Variants in ARL15 observed in about 807,000 individuals in gnomAD.
ARL15 encodes ARF like GTPase 15.
Under a neutral mutation model 25.2 loss-of-function variants are expected in ARL15, and 19 were observed. The observed-to-expected ratio is 0.75, with a 90% confidence interval of 0.53 to 1.10. ARL15 has a LOEUF of 1.10. Ranked by LOEUF, ARL15 falls within the 50% of genes least tolerant of loss-of-function variation. The pLI is 0.00. For missense variants in ARL15, 220 were observed against 246.0 expected (o/e 0.89, Z 0.71); for synonymous variants, 94 against 86.8 (o/e 1.08, Z -0.46).
At position 54,303,842 on chromosome 5, in the gene ARL15, G is replaced by A. The variant is rs147048623; in HGVS notation, c.48+6590C>T. Reference sequence around the variant, plus strand: ...GTGCCCCCAAAAGTGACACTAGGGGGCTGAGTAAGGAGGTTGCCTGAAAAT... The same window carrying A: ...GTGCCCCCAAAAGTGACACTAGGGGACTGAGTAAGGAGGTTGCCTGAAAAT... On this transcript the variant is annotated intron_variant, in intron 1 of 4. Transcript: ENST00000504924. Among the ~76,000 whole-genome samples, 157 of 151,792 alleles carry A rather than the reference G, an allele frequency of 1.0e-3. 1 individual carries two copies. The East Asian group carries it at 0.02, about 20-fold the overall frequency.
At chr5:54,146,328 G>T (rs1481696716) in intron 3 of ARL15, among the ~76,000 whole-genome samples, 1 of 152,064 alleles carries the variant, frequency 6.6e-6, no homozygotes, top group Non-Finnish European at 1.5e-5. Flanking sequence ...GCCAAAGCAA[G>T]ATAGATACTA....
At chr5:53,903,581 A>G (rs905094542) in intron 4 of ARL15, among the ~76,000 whole-genome samples, 3 of 152,224 alleles carry the variant, frequency 2.0e-5, no homozygotes, top group African/African-American at 7.2e-5. Context: ...GGCAAAAGTC[A>G]GAGAACAAAC....
intron 1 of ARL15, among the ~76,000 whole-genome samples, chr5:54,240,671 A>G (rs1441155501): frequency 6.6e-6 from 1 of 152,208 alleles, no homozygotes; most frequent in African/African-American, 2.4e-5. Context: ...GAACATGTGA[A>G]AGACTGGCCT....
At chr5:54,053,501 A>G (rs1750763708) in intron 4 of ARL15, among the ~76,000 whole-genome samples, 1 of 152,144 alleles carries the variant, frequency 6.6e-6, no homozygotes, top group Non-Finnish European at 1.5e-5. Context: ...GAAAAAAAAT[A>G]AAAATAAAAA....
At chr5:54,141,319 C>A (rs1287325473) in intron 3 of ARL15, among the ~76,000 whole-genome samples, 1 of 151,936 alleles carries the variant, frequency 6.6e-6, no homozygotes, top group African/African-American at 2.4e-5. Context: ...TATACGATTA[C>A]CTAGAAACTG....
At chr5:54,038,170 A>G (rs1750229705) in intron 4 of ARL15, among the ~76,000 whole-genome samples, 1 of 152,136 alleles carries the variant, frequency 6.6e-6, no homozygotes, top group South Asian at 2.1e-4. Flanking sequence ...GCTAATTCCT[A>G]AAAAGTTTTT....
At chr5:54,299,475 G>T (rs151173139) in intron 1 of ARL15, among the ~76,000 whole-genome samples, 218 of 151,076 alleles carry the variant, frequency 1.4e-3, no homozygotes, top group Non-Finnish European at 2.1e-4. Flanking sequence ...TCTCTAAAAC[G>T]ATAATAGTAA....
intron 1 of ARL15, among the ~76,000 whole-genome samples, chr5:54,182,303 T>C (rs1349031191): frequency 1.1e-5 from 1 of 90,128 alleles, no homozygotes; most frequent in African/African-American, 4.6e-5. Context: ...AAATCTTTAA[T>C]CCATCTTGAA....
chr5:54,200,514 A>T, intron 1 of ARL15, among the ~76,000 whole-genome samples: 1 of 141,130 alleles, frequency 7.1e-6, no homozygotes, highest in African/African-American at 2.8e-5. Flanking sequence ...AATAAGAAAC[A>T]GGCTATAGAA....
chr5:54,258,465 C>T (rs1757422533), intron 1 of ARL15, among the ~76,000 whole-genome samples: 1 of 152,150 alleles, frequency 6.6e-6, no homozygotes. Context: ...AGAGAAAAAT[C>T]AAGGTGCTGG....
intron 1 of ARL15, among the ~76,000 whole-genome samples, chr5:54,200,718 A>C (rs1755698757): frequency 6.6e-6 from 1 of 152,182 alleles, no homozygotes; most frequent in Non-Finnish European, 1.5e-5. Context: ...AATACAGGGA[A>C]TATCTTAACT....
intron 1 of ARL15, among the ~76,000 whole-genome samples, chr5:54,257,889 T>C (rs934080034): frequency 3.3e-5 from 5 of 152,158 alleles, no homozygotes; most frequent in African/African-American, 7.2e-5. Flanking sequence ...CACAGGAGTA[T>C]TGACTTATTA....
chr5:54,151,062 G>A (rs896696459), intron 3 of ARL15, among the ~76,000 whole-genome samples: 1 of 152,062 alleles, frequency 6.6e-6, no homozygotes, highest in Non-Finnish European at 1.5e-5. Flanking sequence ...CATCATGTCT[G>A]GTGTTATCTT....
chr5:53,903,716 C>T (rs549950529), intron 4 of ARL15, among the ~76,000 whole-genome samples: 17 of 152,242 alleles, frequency 1.1e-4, no homozygotes, highest in East Asian at 3.9e-4. Flanking sequence ...CATCACAGGT[C>T]AACAGCTCCT....
chr5:54,268,286 C>T (rs1327892413), intron 1 of ARL15, among the ~76,000 whole-genome samples: 5 of 152,120 alleles, frequency 3.3e-5, no homozygotes, highest in African/African-American at 1.2e-4. Context: ...GCATTCTTCA[C>T]GTAGTTCTCG....
chr5:54,275,737 T>C (rs1757911539), intron 1 of ARL15, among the ~76,000 whole-genome samples: 2 of 151,704 alleles, frequency 1.3e-5, no homozygotes, highest in Non-Finnish European at 2.9e-5. Flanking sequence ...CAGACTGGAG[T>C]GCAGGGGTGC....
intron 1 of ARL15, among the ~76,000 whole-genome samples, chr5:54,271,604 C>T (rs1220375871): frequency 6.6e-6 from 1 of 151,910 alleles, no homozygotes; most frequent in Non-Finnish European, 1.5e-5. Context: ...ATCTACTGAC[C>T]ATATATATAT....
chr5:54,050,299 A>C (rs76980411), intron 4 of ARL15, among the ~76,000 whole-genome samples: 8,638 of 152,268 alleles, frequency 0.057, 692 homozygotes, highest in African/African-American at 0.18. Context: ...CTCTGTTTAG[A>C]TTAGAATTAG....
At chr5:54,051,240 G>C (rs2111987764) in intron 4 of ARL15, among the ~76,000 whole-genome samples, 1 of 152,218 alleles carries the variant, frequency 6.6e-6, no homozygotes, top group South Asian at 2.1e-4. Context: ...AAACAGATAG[G>C]GTAGGTATTA....
Sources: gnomAD v4.1 joint callset for allele counts (sites outside exome capture counted in the v4.1 genomes callset) on GRCh38, gnomAD v4.1.1 for gene constraint, MANE v1.5 for transcripts, NCBI Gene and HGNC (gene_info 2026-07-23, HGNC 2026-07-21) for gene names.